GRID2: variants seen among roughly 807,000 people sequenced by gnomAD.
GRID2 encodes glutamate receptor ionotropic, delta-2.
Under a neutral mutation model 114.8 loss-of-function variants are expected in GRID2, and 33 were observed. The observed-to-expected ratio is 0.29, with a 90% CI of 0.22 to 0.38. The LOEUF (loss-of-function observed/expected upper bound fraction) is 0.38, where lower values mean the gene tolerates loss of function less well. GRID2 is among the 10% of genes least tolerant of loss of function. The pLI is 1.00. For synonymous variants in GRID2, 505 were observed against 449.9 expected (o/e 1.12, Z -1.55); for missense variants, 1,184 against 1,257.7 (o/e 0.94, Z 0.89).
chr4:92,508,148 AAC>A (rs1724067505), intron 1 of GRID2, among the ~76,000 whole-genome samples: 1 of 151,948 alleles, frequency 6.6e-6, no homozygotes, highest in African/African-American at 2.4e-5. Context: ...TCTTTTTGTA[AAC>A]ACAGTTTTTG....
At chr4:93,564,869 A>G (rs977447658) in intron 13 of GRID2, among the ~76,000 whole-genome samples, 1 of 152,138 alleles carries the variant, frequency 6.6e-6, no homozygotes, top group Non-Finnish European at 1.5e-5. Flanking sequence ...TACTCAATTT[A>G]TATCTGAAAT....
intron 2 of GRID2, among the ~76,000 whole-genome samples, chr4:92,618,703 A>G (rs899705312): frequency 3.3e-5 from 5 of 151,686 alleles, no homozygotes; most frequent in African/African-American, 9.7e-5. Context: ...TTTTCTTTGT[A>G]GGGATCATTC....
intron 14 of GRID2, among the ~76,000 whole-genome samples, chr4:93,716,590 ATTAC>A (rs1560937919): frequency 6.6e-6 from 1 of 152,006 alleles, no homozygotes; most frequent in African/African-American, 2.4e-5. Flanking sequence ...ATGGACAGTT[ATTAC>A]TTACAATATA....
chr4:92,409,095 G>GCATT, intron 1 of GRID2, among the ~76,000 whole-genome samples: 1 of 152,144 alleles, frequency 6.6e-6, no homozygotes, highest in Middle Eastern at 3.4e-3. Context: ...GTATGATTTG[G>GCATT]CTGTGGGTTT....
At chr4:92,746,166 T>G (rs927882078) in intron 2 of GRID2, among the ~76,000 whole-genome samples, 1 of 152,146 alleles carries the variant, frequency 6.6e-6, no homozygotes, top group Non-Finnish European at 1.5e-5. Context: ...TATCATCACC[T>G]TGCACATATT....
chr4:92,481,557 C>T (rs376159271), intron 1 of GRID2, among the ~76,000 whole-genome samples: 6 of 151,926 alleles, frequency 3.9e-5, no homozygotes, highest in East Asian at 3.9e-4. Flanking sequence ...CTGTTCCATT[C>T]GTCTATATGT....
rs183771727 is a variant in GRID2 at position 93,112,184 on chromosome 4, G to A, written c.735+1231G>A. On this transcript the variant is annotated intron_variant, in intron 4 of 15. Coordinates refer to ENST00000282020, the MANE Select transcript of GRID2 (RefSeq NM_001510.4). ...AGGATGTTAAAATTGCAATAGAGGC[G>A]GTTGAAGCATCTATGGTCATTTTTG... 2.0e-3 allele frequency: 306 copies of A among 152,180 alleles called. 2 individuals carry two copies. Among genetic ancestry groups the A allele is most frequent in the African/African-American group, 7.2e-3 (301 of 41,526 alleles). The allele number at this position is 152,180 out of a possible 1,614,324, so 9.4% of individuals were successfully genotyped here.
At chr4:92,679,707 C>T (rs980094058) in intron 2 of GRID2, among the ~76,000 whole-genome samples, 2 of 151,722 alleles carry the variant, frequency 1.3e-5, no homozygotes, top group African/African-American at 4.8e-5. Context: ...CTGTTAATTG[C>T]GTCTGAATAG....
At chr4:93,553,351 G>A (rs1444203621) in intron 13 of GRID2, among the ~76,000 whole-genome samples, 3 of 152,078 alleles carry the variant, frequency 2.0e-5, no homozygotes, top group Admixed American at 1.3e-4. Context: ...ATCTCATTGT[G>A]GTTTTGATTT....
chr4:93,351,012 C>A, intron 8 of GRID2, among the ~76,000 whole-genome samples: 1 of 151,892 alleles, frequency 6.6e-6, no homozygotes, highest in East Asian at 1.9e-4. Flanking sequence ...CAGGGGAACT[C>A]CCATTTATAA....
intron 1 of GRID2, among the ~76,000 whole-genome samples, chr4:92,575,639 A>G (rs1727850781): frequency 6.6e-6 from 1 of 152,194 alleles, no homozygotes; most frequent in South Asian, 2.1e-4. Flanking sequence ...AACAGCAAAT[A>G]TGGCAGCCTG....
chr4:93,225,197 C>G (rs937348246), intron 7 of GRID2, among the ~76,000 whole-genome samples: 3 of 152,170 alleles, frequency 2.0e-5, no homozygotes, highest in Admixed American at 6.5e-5. Flanking sequence ...TTTAATTTAT[C>G]TCATGATAAG....
chr4:92,474,093 A>G (rs1019195846), intron 1 of GRID2, among the ~76,000 whole-genome samples: 6 of 151,866 alleles, frequency 4.0e-5, no homozygotes, highest in African/African-American at 1.5e-4. Flanking sequence ...ACTGTAGTCA[A>G]CATGTTAAAA....
chr4:93,172,410 G>A (rs1373368188), intron 4 of GRID2, among the ~76,000 whole-genome samples: 1 of 152,016 alleles, frequency 6.6e-6, no homozygotes, highest in African/African-American at 2.4e-5. Context: ...GGCCAACATA[G>A]TGAAACTCCG....
chr4:93,108,525 T>G (rs1191235797), intron 3 of GRID2, among the ~76,000 whole-genome samples: 1 of 152,226 alleles, frequency 6.6e-6, no homozygotes, highest in Non-Finnish European at 1.5e-5. Flanking sequence ...GTTACTTTTG[T>G]TTTGTTTGCC....
chr4:92,326,378 A>G (rs1726598949), intron 1 of GRID2, among the ~76,000 whole-genome samples: 1 of 151,900 alleles, frequency 6.6e-6, no homozygotes, highest in Non-Finnish European at 1.5e-5. Context: ...AAATACAGCT[A>G]AAGTATTTCT....
intron 8 of GRID2, among the ~76,000 whole-genome samples, chr4:93,267,832 G>A (rs774184456): frequency 6.6e-6 from 1 of 152,160 alleles, no homozygotes; most frequent in Non-Finnish European, 1.5e-5. Context: ...ATTCCTGCTA[G>A]CTGCTTAGGT....
intron 1 of GRID2, among the ~76,000 whole-genome samples, chr4:92,468,326 A>G (rs952217348): frequency 5.3e-5 from 8 of 151,868 alleles, no homozygotes; most frequent in African/African-American, 1.7e-4. Context: ...AACTTTTCCA[A>G]TATTACCCTG....
intron 2 of GRID2, among the ~76,000 whole-genome samples, chr4:92,636,323 C>T (rs1009064336): frequency 6.6e-6 from 1 of 151,806 alleles, no homozygotes; most frequent in Non-Finnish European, 1.5e-5. Flanking sequence ...TGCAAAAGAA[C>T]ATAACTGCCT....
Sources: gnomAD v4.1 joint callset for allele counts (sites outside exome capture counted in the v4.1 genomes callset) on GRCh38, gnomAD v4.1.1 for gene constraint, MANE v1.5 for transcripts, NCBI Gene and HGNC (gene_info 2026-07-23, HGNC 2026-07-21) for gene names.